The following PCDHGA6 variants were observed in gnomAD, a reference collection of about 807,000 sequenced individuals.
PCDHGA6 encodes protocadherin gamma-A6.
PCDHGA6 carries 41 observed loss-of-function variants against 60.6 expected under a neutral mutation model. The ratio of observed to expected loss-of-function variants is 0.68; its 90% CI spans 0.53 to 0.88. The LOEUF is 0.88. PCDHGA6 is among the 40% of genes least tolerant of loss of function. The probability of loss-of-function intolerance (pLI) is 0.00; values close to 1 mark genes in which losing one functional copy is unlikely to be tolerated. For synonymous variants in PCDHGA6, 594 were observed against 524.4 expected (o/e 1.13, Z -1.81); for missense variants, 1,312 against 1,203.0 (o/e 1.09, Z -1.34).
intron 1 of PCDHGA6, chr5:141,388,424 GA>G: frequency 6.2e-7 from 1 of 1,613,812 alleles, no homozygotes; most frequent in African/African-American, 1.3e-5. Flanking sequence ...ATTTCTCACT[GA>G]TAAATAAAGA....
chr5:141,483,009 C>T (rs538900128), intron 1 of PCDHGA6, among the ~76,000 whole-genome samples: 4 of 151,942 alleles, frequency 2.6e-5, no homozygotes, highest in Non-Finnish European at 5.9e-5. Flanking sequence ...TGCTTGAACC[C>T]GGGAGGCAGA....
In PCDHGA6 at chr5:141,454,484, G is replaced by A. The variant is rs555881095; in HGVS notation, c.2425-40323G>A. On this transcript the variant is annotated intron_variant, in intron 1 of 3. Transcript: ENST00000517434. The stretch of plus-strand genomic sequence containing the variant: ...TGCAATGGCATGATCTCAGCTCACC[G>A]CAACCTCCACCTCCTGGATTCAGGC... Among the ~76,000 whole-genome samples, 7 of 152,218 alleles carry A rather than the reference G, an allele frequency of 4.6e-5. No individual in the cohort carries two copies. In the East Asian group the frequency reaches 7.7e-4, roughly 17 times the overall value.
chr5:141,459,506 A>G (rs1156362858), intron 1 of PCDHGA6, among the ~76,000 whole-genome samples: 1 of 152,236 alleles, frequency 6.6e-6, no homozygotes, highest in East Asian at 1.9e-4. Flanking sequence ...GATGTGAACA[A>G]TCATGTACAA....
In PCDHGA6 at chr5:141,512,443, CCTT is replaced by C. The variant is rs1263805618; in HGVS notation, c.*1272_*1274del. On this transcript the variant is annotated 3_prime_UTR_variant, in exon 4 of 4. Coordinates refer to ENST00000517434, the MANE Select transcript of PCDHGA6 (RefSeq NM_018919.3). ...GCCCCTGCCCTCCTGAAGCCTCAGT[CCTT>C]CACCTTGCCAGGTGCCGTTTCTCTT... The C allele has an allele frequency of 1.3e-5, 2 of 152,896 alleles. No homozygotes were observed. The highest frequency in any genetic ancestry group is 4.8e-5 in the African/African-American group (2 of 41,468). 9.5% of individuals were successfully genotyped at this position (152,896 alleles called of 1,614,324 possible).
chr5:141,472,979 T>TAAAA (rs2099307936), intron 1 of PCDHGA6, among the ~76,000 whole-genome samples: 1 of 21,094 alleles, frequency 4.7e-5, no homozygotes, highest in Non-Finnish European at 9.8e-5. Context: ...AGAGTGAAAC[T>TAAAA]CAAAAAAAAA....
In PCDHGA6 at chr5:141,476,506, C is replaced by T; in HGVS notation, c.2425-18301C>T. 1 of 1,614,068 alleles carries T rather than the reference C, an allele frequency of 6.2e-7. No homozygotes were observed. ...AAGTGGTGATCCAGGACATCAACGA[C>T]AACAATCCTGCTTTCCCTACCCAGG... On this transcript the variant is annotated intron_variant, in intron 1 of 3. Transcript: ENST00000517434. This position sits in a 1 kb window ranked among gnomAD's most constrained non-coding sequence, Gnocchi z 7.6.
chr5:141,468,939 G>A (rs2099186103), intron 1 of PCDHGA6, among the ~76,000 whole-genome samples: 1 of 144,350 alleles, frequency 6.9e-6, no homozygotes, highest in Non-Finnish European at 1.5e-5. Context: ...ATGGGAGATG[G>A]GGTAAACCTG....
At chr5:141,434,337 C>T (rs939910421) in intron 1 of PCDHGA6, among the ~76,000 whole-genome samples, 13 of 152,230 alleles carry the variant, frequency 8.5e-5, no homozygotes, top group African/African-American at 2.4e-4. Context: ...CTCTTTGTGT[C>T]GGGAACAGGC....
chr5:141,446,578 GTGAT>G (rs2098507706), intron 1 of PCDHGA6, among the ~76,000 whole-genome samples: 1 of 152,064 alleles, frequency 6.6e-6, no homozygotes, highest in African/African-American at 2.4e-5. Context: ...CCAGGTTCAA[GTGAT>G]TCTTCTGCCT....
intron 1 of PCDHGA6, chr5:141,404,839 T>C: frequency 6.2e-7 from 1 of 1,613,458 alleles, no homozygotes; most frequent in Non-Finnish European, 8.5e-7. Context: ...TGCGCACAGC[T>C]CGGGCCCTGC....
intron 1 of PCDHGA6, among the ~76,000 whole-genome samples, chr5:141,465,785 T>G (rs564238782): frequency 6.6e-6 from 1 of 152,262 alleles, no homozygotes; most frequent in South Asian, 2.1e-4. Flanking sequence ...TACAGTTTTT[T>G]TTTTTTTAAG....
intron 1 of PCDHGA6, among the ~76,000 whole-genome samples, chr5:141,442,700 TA>T (rs2098337605): frequency 6.6e-6 from 1 of 152,198 alleles, no homozygotes; most frequent in Non-Finnish European, 1.5e-5. Flanking sequence ...CAGACAAGAG[TA>T]TCAGACATGC....
rs1349189547 is a variant in PCDHGA6 at position 141,432,777 on chromosome 5, C to A, written c.2424+56270C>A. 1.2e-6 allele frequency: 2 copies of A among 1,614,154 alleles called. No individual in the cohort carries two copies. The highest frequency in any genetic ancestry group is 1.3e-5 in the African/African-American group (1 of 75,062). ...GCCGACAGCATCCCCCAAGTCCTGGCGGACCTCGGCAGCCTCGAGTCTCCA... is the reference window on the plus strand; with the variant it reads ...GCCGACAGCATCCCCCAAGTCCTGGAGGACCTCGGCAGCCTCGAGTCTCCA... On this transcript the variant is annotated intron_variant, in intron 1 of 3. Transcript: ENST00000517434. This position sits in a 1 kb window ranked among gnomAD's most constrained non-coding sequence, Gnocchi z 6.0.
intron 1 of PCDHGA6, chr5:141,409,951 G>T: frequency 6.2e-7 from 1 of 1,613,374 alleles, no homozygotes; most frequent in Non-Finnish European, 8.5e-7. Context: ...GCTCTGCAGA[G>T]CCCGGCTACC....
chr5:141,410,466 G>T (rs536543649), intron 1 of PCDHGA6: 2 of 1,613,908 alleles, frequency 1.2e-6, no homozygotes, highest in South Asian at 1.1e-5. Context: ...TATAATCTGT[G>T]CATTGCACAT....
intron 1 of PCDHGA6, chr5:141,478,131 A>G (rs747801474): frequency 6.2e-7 from 1 of 1,614,064 alleles, no homozygotes; most frequent in Non-Finnish European, 8.5e-7. Flanking sequence ...GACTCTCCTG[A>G]AGCCCGAGCC....
At chr5:141,403,225 C>T (rs2154532251) in intron 1 of PCDHGA6, 2 of 1,613,958 alleles carry the variant, frequency 1.2e-6, no homozygotes, top group Non-Finnish European at 1.7e-6. Flanking sequence ...GTAGGATAGA[C>T]CGGGAGGAGC....
Position 141,489,111 on chromosome 5 carries a change from C to T in PCDHGA6, c.2425-5696C>T. The T allele has an allele frequency of 1.9e-6, 1 of 518,040 alleles. No individual in the cohort carries two copies. Among genetic ancestry groups the T allele is most frequent in the African/African-American group, 1.9e-5 (1 of 51,336 alleles). The allele number at this position is 518,040 out of a possible 1,614,324, so 32.1% of individuals were successfully genotyped here. ...GTGACTAAGAACTGCTGCAAGCAGG[C>T]AAACCTCCGAGCAGTTTTTAAGAGG... On this transcript the variant is annotated intron_variant, in intron 1 of 3. Transcript: ENST00000517434. This position sits in a 1 kb window ranked among gnomAD's most constrained non-coding sequence, Gnocchi z 4.5.
rs2099642802 is a variant in PCDHGA6, at chr5:141,487,311, CTAAG to C, written c.2425-7494_2425-7491del. The C allele has an allele frequency of 1.2e-6, 2 of 1,614,058 alleles. No individual in the cohort carries two copies. On this transcript the variant is annotated intron_variant, in intron 1 of 3. Coordinates refer to ENST00000517434, the MANE Select transcript of PCDHGA6 (RefSeq NM_018919.3). This position sits in a 1 kb window ranked among gnomAD's most constrained non-coding sequence, Gnocchi z 5.0. ...TTTGGCTCATTCGTGGCACTACTCTCTAAGTGTCTTCGTGGGGCAGCCTGTGGAG... is the reference window on the plus strand; with the variant it reads ...TTTGGCTCATTCGTGGCACTACTCTCTGTCTTCGTGGGGCAGCCTGTGGAG...
Sources: gnomAD v4.1 joint callset for allele counts (sites outside exome capture counted in the v4.1 genomes callset) on GRCh38, gnomAD v4.1.1 for gene constraint, Gnocchi (gnomAD v3.1) non-coding constraint, MANE v1.5 for transcripts, NCBI Gene and HGNC (gene_info 2026-07-23, HGNC 2026-07-21) for gene names.